The following CEP128 variants were observed in gnomAD, a reference collection of about 807,000 sequenced individuals.
CEP128 encodes the protein centrosomal protein 128, also known as centrosomal protein 128kDa.
Under a neutral mutation model 156.7 loss-of-function variants are expected in CEP128, and 132 were observed. The observed-to-expected ratio is 0.84, with a 90% CI of 0.73 to 0.97. CEP128 has a LOEUF of 0.97. CEP128 is among the 50% of genes least tolerant of loss of function. The pLI is 0.00. For missense variants in CEP128, 1,252 were observed against 1,281.9 expected (o/e 0.98, Z 0.36); for synonymous variants, 469 against 448.9 (o/e 1.04, Z -0.57).
At chr14:80,827,086 G>A (rs1204482319) in intron 13 of CEP128, among the ~76,000 whole-genome samples, 1 of 151,954 alleles carries the variant, frequency 6.6e-6, no homozygotes, top group East Asian at 1.9e-4. Context: ...TTTCTCTAAT[G>A]TAAAACAACT....
intron 13 of CEP128, among the ~76,000 whole-genome samples, chr14:80,817,097 T>A (rs1403911688): frequency 6.6e-6 from 1 of 152,066 alleles, no homozygotes; most frequent in African/African-American, 2.4e-5. Context: ...AGAACCCAGT[T>A]AAAGCTATAG....
intron 21 of CEP128, among the ~76,000 whole-genome samples, chr14:80,534,963 C>T (rs928524127): frequency 6.7e-6 from 1 of 148,892 alleles, no homozygotes; most frequent in Non-Finnish European, 1.5e-5. Flanking sequence ...AATTAGAAAA[C>T]AAAGAAAAGT....
chr14:80,877,262 G>A (rs1888327267), intron 8 of CEP128, among the ~76,000 whole-genome samples: 1 of 151,922 alleles, frequency 6.6e-6, no homozygotes, highest in South Asian at 2.1e-4. Context: ...TGGAAATATA[G>A]TAAGTGGGTC....
At chr14:80,904,061 C>T (rs1303067064) in intron 6 of CEP128, among the ~76,000 whole-genome samples, 1 of 152,104 alleles carries the variant, frequency 6.6e-6, no homozygotes, top group African/African-American at 2.4e-5. Context: ...CAGCATTATT[C>T]ACAACAGCCA....
intron 9 of CEP128, among the ~76,000 whole-genome samples, chr14:80,847,147 A>G (rs1886649533): frequency 6.6e-6 from 1 of 152,154 alleles, no homozygotes; most frequent in Non-Finnish European, 1.5e-5. Context: ...TCACTGAAAA[A>G]AACATCAAAA....
chr14:80,906,760 G>C (rs527844101), intron 4 of CEP128, among the ~76,000 whole-genome samples: 1 of 152,186 alleles, frequency 6.6e-6, no homozygotes, highest in South Asian at 2.1e-4. Context: ...TAAATACTGA[G>C]AATAATGTCC....
At position 80,534,824 on chromosome 14, in the gene CEP128, C is replaced by CAAAAA. The variant is rs371773612; in HGVS notation, c.2881-3943_2881-3939dup. On this transcript the variant is annotated intron_variant, in intron 21 of 24. Transcript: ENST00000555265. The stretch of plus-strand genomic sequence containing the variant: ...TGGGCGACAGAGCAAGATTCCGTCT[C>CAAAAA]AAAAAAAAAAAAAAAAAAAAAAGGG... 8.2e-4 allele frequency among the ~76,000 whole-genome samples: 49 copies of CAAAAA among 59,908 alleles called. 1 individual carries two copies. Among genetic ancestry groups the CAAAAA allele is most frequent in the Non-Finnish European group, 9.0e-4 (30 of 33,212 alleles). 39.3% of individuals were successfully genotyped at this position (59,908 alleles called of 152,430 possible).
rs1303390846 is a variant in CEP128 at position 80,647,126 on chromosome 14, T to TACACACAC, written c.2807-66711_2807-66704dup. On this transcript the variant is annotated intron_variant, in intron 19 of 24. Coordinates refer to ENST00000555265, the MANE Select transcript of CEP128 (RefSeq NM_152446.5). Reference sequence around the variant, plus strand: ...ACACATACACACACACACACACACATACACACACACACACACACACACTGC... The same window carrying TACACACAC: ...ACACATACACACACACACACACACATACACACACACACACACACACACACACACACTGC... Among the ~76,000 whole-genome samples, 629 of 88,068 alleles carry TACACACAC rather than the reference T, an allele frequency of 7.1e-3. 28 individuals are homozygous for TACACACAC. The highest frequency in any genetic ancestry group is 0.021 in the African/African-American group (556 of 26,896). The allele number at this position is 88,068 out of a possible 152,430, so 57.8% of individuals were successfully genotyped here.
At chr14:80,593,362 C>T (rs912181172) in intron 19 of CEP128, among the ~76,000 whole-genome samples, 1 of 151,646 alleles carries the variant, frequency 6.6e-6, no homozygotes, top group Non-Finnish European at 1.5e-5. Flanking sequence ...ATGGTGAAAC[C>T]CCATCTCTAC....
intron 9 of CEP128, among the ~76,000 whole-genome samples, chr14:80,849,495 T>A (rs10220494): frequency 0.027 from 4,054 of 152,226 alleles, 179 homozygotes; most frequent in African/African-American, 0.092. Context: ...CCATACAAAA[T>A]CCATTAAACG....
chr14:80,729,069 G>GTGTGTA, intron 19 of CEP128, among the ~76,000 whole-genome samples: 1 of 46,008 alleles, frequency 2.2e-5, no homozygotes, highest in Non-Finnish European at 5.6e-5. Context: ...GTGTGTGTGT[G>GTGTGTA]TGTGTGTGTG....
chr14:80,497,621 G>T (rs764148872), intron 24 of CEP128, 39 bp from the exon 25 acceptor site: 6 of 1,406,068 alleles, frequency 4.3e-6, no homozygotes, highest in Middle Eastern at 3.5e-4. Context: ...AAACCTAGGT[G>T]AATATAAAAC....
intron 14 of CEP128, among the ~76,000 whole-genome samples, chr14:80,788,288 CTTT>C (rs10628361): frequency 3.1e-5 from 3 of 97,250 alleles, no homozygotes; most frequent in Admixed American, 1.3e-4. Context: ...TGGCCAGGAT[CTTT>C]TTTTTTTTTT....
intron 23 of CEP128, among the ~76,000 whole-genome samples, chr14:80,507,965 A>G (rs1213807873): frequency 6.6e-6 from 1 of 152,162 alleles, no homozygotes; most frequent in Non-Finnish European, 1.5e-5. Flanking sequence ...CCCAGGCTGG[A>G]GTGCAGTGGC....
chr14:80,592,502 T>C (rs535951830), intron 19 of CEP128, among the ~76,000 whole-genome samples: 180 of 151,166 alleles, frequency 1.2e-3, no homozygotes, highest in African/African-American at 4.3e-3. Flanking sequence ...CAAATTGAGG[T>C]AGTAATAGCC....
rs572523688 is a variant in CEP128, at chr14:80,496,684, A to C, written c.*795T>G. On this transcript the variant is annotated 3_prime_UTR_variant, in exon 25 of 25. Coordinates refer to ENST00000555265, the MANE Select transcript of CEP128 (RefSeq NM_152446.5). The stretch of plus-strand genomic sequence containing the variant: ...GAAGCAGATAGGACCAAATTATACA[A>C]GATTATATATAAATCTCATGGACAA... 1 of 152,318 alleles carries C rather than the reference A, an allele frequency of 6.6e-6. No homozygotes were observed. Among genetic ancestry groups the C allele is most frequent in the Admixed American group, 6.5e-5 (1 of 15,278 alleles). 9.4% of individuals were successfully genotyped at this position (152,318 alleles called of 1,614,324 possible).
chr14:80,650,531 T>G (rs1192214154), intron 19 of CEP128, among the ~76,000 whole-genome samples: 1 of 152,204 alleles, frequency 6.6e-6, no homozygotes, highest in Non-Finnish European at 1.5e-5. Flanking sequence ...TTTTGCCCAT[T>G]CAGTACGATA....
At chr14:80,917,013 G>A (rs575500173) in intron 2 of CEP128, among the ~76,000 whole-genome samples, 59 of 152,266 alleles carry the variant, frequency 3.9e-4, no homozygotes, top group Admixed American at 1.2e-3. Flanking sequence ...CACACAGCAT[G>A]ACCTACAATA....
chr14:80,862,649 C>T, intron 9 of CEP128, 108 bp downstream of exon 9: 1 of 748,394 alleles, frequency 1.3e-6, no homozygotes, highest in African/African-American at 1.7e-5. Flanking sequence ...GATATTAATA[C>T]TTCTCAGATG....
Sources: allele counts gnomAD v4.1 joint callset (sites outside exome capture counted in the v4.1 genomes callset), GRCh38; gene constraint gnomAD v4.1.1; transcripts MANE v1.5; gene names NCBI Gene and HGNC (gene_info 2026-07-23, HGNC 2026-07-21).